PDCD6IP: variants seen among roughly 807,000 people sequenced by gnomAD.
PDCD6IP encodes programmed cell death 6 interacting protein, also known as programmed cell death 6-interacting protein.
A neutral mutation model predicts 103.7 loss-of-function variants in PDCD6IP; 43 were observed. That is an observed-to-expected ratio of 0.41 (90% CI 0.32 to 0.53). The LOEUF is 0.53. Ranked by LOEUF, PDCD6IP falls within the 20% of genes least tolerant of loss-of-function variation. The pLI is 0.16. For synonymous variants in PDCD6IP, 354 were observed against 378.7 expected (o/e 0.93, Z 0.76); for missense variants, 871 against 1,036.7 (o/e 0.84, Z 2.20).
chr3:33,829,140 A>G lies in PDCD6IP; in HGVS notation c.834+171A>G, dbSNP rs9849927. On this transcript the variant is annotated intron_variant, in intron 7 of 17. Transcript: ENST00000307296. ...TTACTGCATGTTTTTTTGAGGTCTC[A>G]TATTTTATCTAAAAAATAGATGCAA... Among the ~76,000 whole-genome samples the G allele has an allele frequency of 5.4e-3, 819 of 152,182 alleles. 7 individuals carry two copies. The highest frequency in any genetic ancestry group is 0.018 in the African/African-American group (747 of 41,540).
intron 7 of PDCD6IP, among the ~76,000 whole-genome samples, chr3:33,829,768 T>TTATA (rs1179491910): frequency 6.6e-6 from 1 of 152,176 alleles, no homozygotes; most frequent in African/African-American, 2.4e-5. Flanking sequence ...TTTTGTGCTG[T>TTATA]TATAGCAGAA....
intron 3 of PDCD6IP, among the ~76,000 whole-genome samples, chr3:33,816,991 A>T (rs559614599): frequency 2.4e-4 from 36 of 152,326 alleles, no homozygotes; most frequent in African/African-American, 7.9e-4. Flanking sequence ...AAAAATTGGT[A>T]ATTAAATGTC....
chr3:33,855,644 C>T (rs140782497), intron 15 of PDCD6IP, among the ~76,000 whole-genome samples: 1,936 of 152,308 alleles, frequency 0.013, 29 homozygotes, highest in South Asian at 0.018. Context: ...CCAGCAAAAT[C>T]ACTTTCAGAA....
chr3:33,812,634 A>G (rs1383614005), intron 2 of PDCD6IP, among the ~76,000 whole-genome samples: 1 of 152,262 alleles, frequency 6.6e-6, no homozygotes. Flanking sequence ...GAGATTGGAT[A>G]AAGATTTTAA....
intron 3 of PDCD6IP, among the ~76,000 whole-genome samples, 189 bp downstream of exon 3, chr3:33,813,817 T>C (rs1387344585): frequency 2.0e-5 from 3 of 152,248 alleles, no homozygotes; most frequent in African/African-American, 4.8e-5. Flanking sequence ...TGCCAGGCAC[T>C]GTCCTAGTTA....
intron 12 of PDCD6IP, among the ~76,000 whole-genome samples, chr3:33,850,042 T>C (rs932072026): frequency 2.6e-5 from 4 of 152,202 alleles, no homozygotes; most frequent in African/African-American, 9.6e-5. Flanking sequence ...TGTGGTTAGC[T>C]TTTCTTCCTA....
At position 33,844,020 on chromosome 3, in the gene PDCD6IP, C is replaced by G. The variant is rs1002459700; in HGVS notation, c.1360-92C>G. On this transcript the variant is annotated intron_variant, in intron 10 of 17. Coordinates refer to ENST00000307296, the MANE Select transcript of PDCD6IP (RefSeq NM_013374.6). Reference sequence around the variant, plus strand: ...CCTAGTATTCCCATCTCACCAAATTCTCACTTATATTGTGTATGAACATTT... The same window carrying G: ...CCTAGTATTCCCATCTCACCAAATTGTCACTTATATTGTGTATGAACATTT... 3.1e-5 allele frequency: 23 copies of G among 735,406 alleles called. No individual in the cohort carries two copies. In the African/African-American group the frequency reaches 4.1e-4, roughly 13 times the overall value. The allele number at this position is 735,406 out of a possible 1,614,324, so 45.6% of individuals were successfully genotyped here. A position where few individuals can be genotyped will look rare whatever the true frequency, so the allele number is the denominator to read the frequency against.
At chr3:33,814,435 A>G (rs1696787779) in intron 3 of PDCD6IP, among the ~76,000 whole-genome samples, 1 of 151,726 alleles carries the variant, frequency 6.6e-6, no homozygotes, top group African/African-American at 2.4e-5. Flanking sequence ...GGCCTATTCC[A>G]TTAGATTCTT....
Position 33,798,857 on chromosome 3 carries a change from G to A in PDCD6IP, c.129G>A (p.Ala43=). 1 of 1,553,024 alleles carries A rather than the reference G, an allele frequency of 6.4e-7. No individual in the cohort carries two copies. The highest frequency in any genetic ancestry group is 8.7e-7 in the Non-Finnish European group (1 of 1,148,006). The change falls in exon 1 of 18, where the codon GCG becomes GCA. Residue 43 remains alanine (A), a synonymous_variant. Transcript: ENST00000307296. ...AGCAGGCCCAGTACTGCCGCGCGGC[G>A]GAGGAGCTCAGCAAGCTGCGCCGCG... ...GEEQAQYCRA[A]EELSKLRRAA...
At chr3:33,817,519 C>T (rs1051435849) in intron 3 of PDCD6IP, among the ~76,000 whole-genome samples, 6 of 151,814 alleles carry the variant, frequency 4.0e-5, no homozygotes. Context: ...TTGGGGAGGC[C>T]AAGACAGGTG....
At chr3:33,848,421 T>C (rs1171912493) in intron 12 of PDCD6IP, among the ~76,000 whole-genome samples, 1 of 150,370 alleles carries the variant, frequency 6.7e-6, no homozygotes, top group Admixed American at 6.8e-5. Flanking sequence ...TTTTTTTTTT[T>C]TGAGACGGAG....
intron 4 of PDCD6IP, 126 bp downstream of exon 4, chr3:33,822,208 A>G: frequency 2.1e-6 from 2 of 950,998 alleles, no homozygotes; most frequent in Non-Finnish European, 3.2e-6. Flanking sequence ...ATGCACTTTT[A>G]AAATGAATTT....
intron 12 of PDCD6IP, among the ~76,000 whole-genome samples, chr3:33,848,503 C>T (rs1438849472): frequency 1.3e-5 from 2 of 151,704 alleles, no homozygotes; most frequent in Admixed American, 6.6e-5. Flanking sequence ...CTCCTGGGTT[C>T]AAGCAATTCT....
chr3:33,866,526 T>C lies in PDCD6IP; in HGVS notation c.*1T>C. The C allele has an allele frequency of 6.3e-7, 1 of 1,597,248 alleles. No homozygotes were observed. On this transcript the variant is annotated 3_prime_UTR_variant, in exon 18 of 18. Coordinates refer to ENST00000307296, the MANE Select transcript of PDCD6IP (RefSeq NM_013374.6). Reference sequence around the variant, plus strand: ...GCAGTCTTACTATCCACAGCAGTAATATGTCTGCTCAGCAGCTCAGCTGAT... The same window carrying C: ...GCAGTCTTACTATCCACAGCAGTAACATGTCTGCTCAGCAGCTCAGCTGAT...
At position 33,836,088 on chromosome 3, in the gene PDCD6IP, A is replaced by G. The variant is rs1559786572; in HGVS notation, c.879A>G (p.Glu293=). 1.2e-6 allele frequency: 2 copies of G among 1,612,730 alleles called. No individual in the cohort carries two copies. Among genetic ancestry groups the G allele is most frequent in the South Asian group, 1.1e-5 (1 of 91,046 alleles). ...AAACAGTGGCATCTCGCTATGATGA[A>G]TATGTTAATGTGAAGGATTTTTCTG... ...LIKTVASRYD[E]YVNVKDFSDK... Residue 293 remains glutamate (E), a synonymous_variant, in exon 8 of 18, where the codon GAA becomes GAG. Transcript: ENST00000307296.
chr3:33,842,364 A>G (rs533621108), intron 10 of PDCD6IP, among the ~76,000 whole-genome samples: 1 of 152,332 alleles, frequency 6.6e-6, no homozygotes, highest in East Asian at 1.9e-4. Flanking sequence ...CAAACTGTTC[A>G]GTCTTTGTAA....
At chr3:33,836,909 AT>A (rs1186828880) in intron 8 of PDCD6IP, among the ~76,000 whole-genome samples, 6 of 151,340 alleles carry the variant, frequency 4.0e-5, no homozygotes, top group South Asian at 4.2e-4. Flanking sequence ...AACCACAAAA[AT>A]ATATATTTTT....
At chr3:33,808,974 T>C (rs1281757015) in intron 1 of PDCD6IP, among the ~76,000 whole-genome samples, 2 of 152,194 alleles carry the variant, frequency 1.3e-5, no homozygotes, top group Non-Finnish European at 2.9e-5. Context: ...TTTCCCTAGA[T>C]TGGAAATTCT....
intron 7 of PDCD6IP, among the ~76,000 whole-genome samples, chr3:33,832,886 T>A (rs188526999): frequency 1.3e-5 from 2 of 152,182 alleles, no homozygotes; most frequent in African/African-American, 4.8e-5. Context: ...TTTCTTCATA[T>A]GAATTTTCTT....
Sources: allele counts gnomAD v4.1 joint callset (sites outside exome capture counted in the v4.1 genomes callset), GRCh38; gene constraint gnomAD v4.1.1; transcripts MANE v1.5; gene names NCBI Gene and HGNC (gene_info 2026-07-23, HGNC 2026-07-21).